The following DPF3 variants were observed in gnomAD, a reference collection of about 807,000 sequenced individuals.
DPF3 encodes the protein double PHD fingers 3, also known as zinc finger protein DPF3.
Under a neutral mutation model 56.8 loss-of-function variants are expected in DPF3, and 18 were observed. The observed-to-expected ratio is 0.32, with a 90% CI of 0.22 to 0.47. The LOEUF is 0.47. DPF3 is among the 20% of genes least tolerant of loss of function. DPF3 has a pLI of 1.00. For synonymous variants in DPF3, 188 were observed against 180.2 expected (o/e 1.04, Z -0.35); for missense variants, 403 against 488.8 (o/e 0.82, Z 1.65).
chr14:72,750,239 GA>G (rs1890509941), intron 3 of DPF3, among the ~76,000 whole-genome samples: 1 of 152,120 alleles, frequency 6.6e-6, no homozygotes, highest in Admixed American at 6.5e-5. Context: ...TTCTCTGCTG[GA>G]CCCACAAAAA....
chr14:72,657,825 G>T (rs1299387869), intron 8 of DPF3, among the ~76,000 whole-genome samples: 2 of 152,144 alleles, frequency 1.3e-5, no homozygotes, highest in African/African-American at 2.4e-5. Context: ...GAGTAGTTGT[G>T]ACAGATGTTT....
At position 72,729,973 on chromosome 14, in the gene DPF3, C is replaced by T. The variant is rs146568476; in HGVS notation, c.429+1834G>A. ...AGCTCATCTATTATAGCAAATGCACCACTCTAGTGGAGGATGTTGATCATG... is the reference window on the plus strand; with the variant it reads ...AGCTCATCTATTATAGCAAATGCACTACTCTAGTGGAGGATGTTGATCATG... On this transcript the variant is annotated intron_variant, in intron 4 of 10. Coordinates refer to ENST00000556509, the MANE Select transcript of DPF3 (RefSeq NM_001280542.3). 3.2e-4 allele frequency among the ~76,000 whole-genome samples: 48 copies of T among 152,192 alleles called. 1 individual carries two copies. The East Asian group carries it at 9.3e-3, about 29-fold the overall frequency.
intron 1 of DPF3, among the ~76,000 whole-genome samples, chr14:72,785,528 A>G (rs908841023): frequency 1.1e-4 from 17 of 152,212 alleles, no homozygotes; most frequent in Non-Finnish European, 1.6e-4. Context: ...TTTTGCCTCC[A>G]GAACTAGAAT....
intron 1 of DPF3, among the ~76,000 whole-genome samples, chr14:72,868,630 A>T (rs911517567): frequency 6.6e-6 from 1 of 152,126 alleles, no homozygotes; most frequent in Non-Finnish European, 1.5e-5. Context: ...AAGCAGAGGG[A>T]GGCAAACTGC....
chr14:72,844,953 C>G (rs1237829451), intron 1 of DPF3, among the ~76,000 whole-genome samples: 1 of 152,168 alleles, frequency 6.6e-6, no homozygotes, highest in Admixed American at 6.5e-5. Flanking sequence ...GTCCCTGACT[C>G]TACAACAAAT....
At chr14:72,639,411 C>G (rs986795931) in intron 8 of DPF3, among the ~76,000 whole-genome samples, 2 of 152,150 alleles carry the variant, frequency 1.3e-5, no homozygotes, top group South Asian at 4.2e-4. Flanking sequence ...CTAAATGACT[C>G]ACCTCAAACT....
At chr14:72,886,344 C>G (rs746340350) in intron 1 of DPF3, among the ~76,000 whole-genome samples, 2 of 151,920 alleles carry the variant, frequency 1.3e-5, no homozygotes, top group Non-Finnish European at 2.9e-5. Context: ...TGCACTCCAG[C>G]CTGGGTGACA....
intron 3 of DPF3, among the ~76,000 whole-genome samples, chr14:72,735,963 G>T (rs1889876342): frequency 6.6e-6 from 1 of 152,146 alleles, no homozygotes; most frequent in African/African-American, 2.4e-5. Flanking sequence ...TTCAAAATTA[G>T]ATCATATACG....
rs77927980 is a variant in DPF3, at chr14:72,618,163, G to A, written c.*1134C>T. Among the ~76,000 whole-genome samples, 46 of 152,204 alleles carry A rather than the reference G, an allele frequency of 3.0e-4. 1 individual carries two copies. In the East Asian group the frequency reaches 8.7e-3, roughly 29 times the overall value. ...TGTGGCCACCCTGGTCGTGAATAAT[G>A]ACCATGTCACCCTAATTATTTGTTT... is the stretch of plus-strand genomic sequence containing the variant. On this transcript the variant is annotated 3_prime_UTR_variant, in exon 11 of 11. Coordinates refer to ENST00000556509, the MANE Select transcript of DPF3 (RefSeq NM_001280542.3).
chr14:72,830,417 C>G (rs182992933), intron 1 of DPF3, among the ~76,000 whole-genome samples: 18 of 152,324 alleles, frequency 1.2e-4, no homozygotes, highest in Admixed American at 3.3e-4. Context: ...AGTCCATAAA[C>G]AGCTTTTGGG....
intron 1 of DPF3, among the ~76,000 whole-genome samples, chr14:72,800,927 AAT>A (rs1316820489): frequency 6.6e-6 from 1 of 152,246 alleles, no homozygotes; most frequent in East Asian, 1.9e-4. Flanking sequence ...GCCATCTGAC[AAT>A]ATAGGAAAGG....
At chr14:72,771,435 G>A (rs1438136103) in intron 2 of DPF3, among the ~76,000 whole-genome samples, 1 of 152,122 alleles carries the variant, frequency 6.6e-6, no homozygotes, top group African/African-American at 2.4e-5. Flanking sequence ...GAAGATTGCT[G>A]TCATGTCCTC....
At chr14:72,710,990 C>T (rs892353034) in intron 6 of DPF3, among the ~76,000 whole-genome samples, 1 of 152,198 alleles carries the variant, frequency 6.6e-6, no homozygotes, top group African/African-American at 2.4e-5. Context: ...AACTCTCTAT[C>T]ACCTGCAGTT....
intron 8 of DPF3, among the ~76,000 whole-genome samples, chr14:72,665,805 G>A (rs1886419823): frequency 6.6e-6 from 1 of 152,220 alleles, no homozygotes; most frequent in Admixed American, 6.5e-5. Flanking sequence ...TCCTGATTGT[G>A]ATCATTGTAC....
intron 1 of DPF3, chr14:72,892,761 G>T (rs1245395766): frequency 2.1e-6 from 2 of 936,814 alleles, no homozygotes; most frequent in African/African-American, 1.8e-5. Context: ...CTGCGGCTTC[G>T]TCCGGGCGGG....
At chr14:72,689,927 A>T (rs1250342746) in intron 7 of DPF3, among the ~76,000 whole-genome samples, 1 of 152,216 alleles carries the variant, frequency 6.6e-6, no homozygotes, top group East Asian at 1.9e-4. Context: ...GTCACTAAAA[A>T]GGTGTTTGTG....
intron 6 of DPF3, among the ~76,000 whole-genome samples, chr14:72,698,329 T>TA (rs1446025996): frequency 6.6e-6 from 1 of 152,220 alleles, no homozygotes; most frequent in Non-Finnish European, 1.5e-5. Flanking sequence ...TGCTTTATTC[T>TA]AAAATAGGCT....
chr14:72,836,141 G>A (rs909104759), intron 1 of DPF3: 8 of 986,072 alleles, frequency 8.1e-6, no homozygotes, highest in Middle Eastern at 1.0e-3. Context: ...GTGAGGAACA[G>A]GAGGCTGATC....
intron 8 of DPF3, among the ~76,000 whole-genome samples, chr14:72,659,778 T>C (rs572926533): frequency 6.6e-6 from 1 of 152,332 alleles, no homozygotes; most frequent in Non-Finnish European, 1.5e-5. Flanking sequence ...TGATGTGTAA[T>C]AAATATGGGA....
Sources: allele counts gnomAD v4.1 joint callset (sites outside exome capture counted in the v4.1 genomes callset), GRCh38; gene constraint gnomAD v4.1.1; transcripts MANE v1.5; gene names NCBI Gene and HGNC (gene_info 2026-07-23, HGNC 2026-07-21).